The following CAMK2D variants were observed in gnomAD, a reference collection of about 807,000 sequenced individuals.
CAMK2D encodes calcium/calmodulin dependent protein kinase II delta, also known as calcium/calmodulin-dependent protein kinase type II subunit delta.
CAMK2D carries 37 observed loss-of-function variants against 84.0 expected under a neutral mutation model. That is an observed-to-expected ratio of 0.44 (90% confidence interval 0.34 to 0.58). The LOEUF (loss-of-function observed/expected upper bound fraction) is 0.58. CAMK2D is among the 20% of genes least tolerant of loss of function. The probability of loss-of-function intolerance (pLI) is 0.02; values close to 1 mark genes in which losing one functional copy is unlikely to be tolerated. For synonymous variants in CAMK2D, 202 were observed against 212.5 expected (o/e 0.95, Z 0.43); for missense variants, 448 against 652.5 (o/e 0.69, Z 3.41).
intron 4 of CAMK2D, among the ~76,000 whole-genome samples, chr4:113,606,071 T>C (rs1016736499): frequency 2.0e-5 from 3 of 151,954 alleles, no homozygotes; most frequent in East Asian, 1.9e-4. Flanking sequence ...AGAGCACTTA[T>C]GAACACACTT....
chr4:113,556,856 G>A (rs2098668369), intron 4 of CAMK2D, among the ~76,000 whole-genome samples: 1 of 152,138 alleles, frequency 6.6e-6, no homozygotes, highest in Non-Finnish European at 1.5e-5. Context: ...CCGATAATGG[G>A]ACATTGTCTC....
At chr4:113,542,538 A>G (rs2098537383) in intron 6 of CAMK2D, among the ~76,000 whole-genome samples, 1 of 152,044 alleles carries the variant, frequency 6.6e-6, no homozygotes, top group African/African-American at 2.4e-5. Context: ...ACACAGTGAA[A>G]CCCTGTTTCT....
intron 16 of CAMK2D, among the ~76,000 whole-genome samples, chr4:113,497,386 C>T (rs1311653153): frequency 6.6e-6 from 1 of 152,186 alleles, no homozygotes; most frequent in African/African-American, 2.4e-5. Flanking sequence ...AAAAGTATTA[C>T]ACAGACTGGG....
chr4:113,491,906 T>C (rs1201904201), intron 16 of CAMK2D, among the ~76,000 whole-genome samples: 1 of 152,174 alleles, frequency 6.6e-6, no homozygotes, highest in African/African-American at 2.4e-5. Flanking sequence ...CCATTTCTTC[T>C]AGATTTTCTA....
At chr4:113,645,610 A>G (rs920035336) in intron 3 of CAMK2D, among the ~76,000 whole-genome samples, 8 of 152,166 alleles carry the variant, frequency 5.3e-5, no homozygotes, top group African/African-American at 1.9e-4. Context: ...CTTCATTTGA[A>G]AAGCAGCTTT....
intron 16 of CAMK2D, among the ~76,000 whole-genome samples, chr4:113,472,100 C>T (rs1248503861): frequency 6.6e-6 from 1 of 152,192 alleles, no homozygotes; most frequent in Admixed American, 6.5e-5. Context: ...CTGCGTGCTT[C>T]AGACCCAGCT....
chr4:113,743,118 T>G (rs550949850), intron 2 of CAMK2D, among the ~76,000 whole-genome samples: 1 of 152,336 alleles, frequency 6.6e-6, no homozygotes, highest in Non-Finnish European at 1.5e-5. Flanking sequence ...AATAAAATTT[T>G]CTTTTCAATT....
intron 3 of CAMK2D, among the ~76,000 whole-genome samples, chr4:113,644,830 T>C (rs1232140780): frequency 6.6e-6 from 1 of 152,038 alleles, no homozygotes; most frequent in East Asian, 1.9e-4. Flanking sequence ...AAGCTATTTG[T>C]CAGATCCAAG....
intron 2 of CAMK2D, among the ~76,000 whole-genome samples, chr4:113,681,469 C>A (rs2099345738): frequency 6.6e-6 from 1 of 152,130 alleles, no homozygotes; most frequent in South Asian, 2.1e-4. Context: ...GAGGCTTCCC[C>A]AGCAATGTGG....
intron 3 of CAMK2D, among the ~76,000 whole-genome samples, chr4:113,653,433 TAG>T (rs909934001): frequency 2.0e-5 from 3 of 152,072 alleles, no homozygotes; most frequent in East Asian, 1.9e-4. Context: ...TTTAATCTGT[TAG>T]AGAGTCACTA....
intron 2 of CAMK2D, among the ~76,000 whole-genome samples, chr4:113,680,157 A>G (rs1424771901): frequency 6.6e-6 from 1 of 152,040 alleles, no homozygotes; most frequent in Non-Finnish European, 1.5e-5. Flanking sequence ...AGTTCTTGTC[A>G]TTGTTCAGAT....
At chr4:113,671,373 AG>A (rs1177682464) in intron 2 of CAMK2D, among the ~76,000 whole-genome samples, 10 of 152,352 alleles carry the variant, frequency 6.6e-5, no homozygotes, top group African/African-American at 2.4e-4. Context: ...GTGAAGCTAA[AG>A]TAGCTTAGGC....
chr4:113,754,184 TC>T, intron 2 of CAMK2D: 3 of 948,426 alleles, frequency 3.2e-6, no homozygotes, highest in Non-Finnish European at 2.5e-6. Flanking sequence ...TAACTTAAAA[TC>T]TTTAACACAG....
chr4:113,642,777 G>A (rs932487097), intron 3 of CAMK2D, among the ~76,000 whole-genome samples: 1 of 151,378 alleles, frequency 6.6e-6, no homozygotes, highest in Non-Finnish European at 1.5e-5. Flanking sequence ...TGCTAGAAAG[G>A]CACCAACTGC....
chr4:113,728,728 T>G (rs1260134875), intron 2 of CAMK2D, among the ~76,000 whole-genome samples: 1 of 152,192 alleles, frequency 6.6e-6, no homozygotes, highest in African/African-American at 2.4e-5. Context: ...GGGAAGTTCC[T>G]TACCTTCTCA....
At chr4:113,743,572 G>A (rs546836646) in intron 2 of CAMK2D, among the ~76,000 whole-genome samples, 1 of 152,040 alleles carries the variant, frequency 6.6e-6, no homozygotes, top group Non-Finnish European at 1.5e-5. Flanking sequence ...AAAACCTTTC[G>A]GTATGTGCTG....
intron 4 of CAMK2D, among the ~76,000 whole-genome samples, chr4:113,578,704 A>C (rs1282194497): frequency 6.6e-6 from 1 of 152,130 alleles, no homozygotes; most frequent in Non-Finnish European, 1.5e-5. Context: ...AACAATACAT[A>C]GATGTAGCCA....
intron 2 of CAMK2D, among the ~76,000 whole-genome samples, chr4:113,752,110 G>A (rs2099618667): frequency 1.3e-5 from 2 of 151,818 alleles, no homozygotes; most frequent in East Asian, 1.9e-4. Context: ...ATTAGCTCTC[G>A]GGGAGATACA....
In CAMK2D at chr4:113,509,628, T is replaced by TTTAAC. The variant is rs1379039023; in HGVS notation, c.984+5_984+9dup. 4 of 1,581,188 alleles carry TTTAAC rather than the reference T, an allele frequency of 2.5e-6. No homozygotes were observed. The highest frequency in any genetic ancestry group is 3.5e-6 in the Non-Finnish European group (4 of 1,149,950). On this transcript the variant is annotated intron_variant, in intron 13 of 20. Coordinates refer to ENST00000511664, the MANE Select transcript of CAMK2D (RefSeq NM_001321571.2). ...GTCAGAAATGGATTAGGGGCATCTGTTTAACTTACCTTTACTCCATCTGGT... is the reference window on the plus strand; with the variant it reads ...GTCAGAAATGGATTAGGGGCATCTGTTTAACTTAACTTACCTTTACTCCATCTGGT...
Sources: gnomAD v4.1 joint callset for allele counts (sites outside exome capture counted in the v4.1 genomes callset) on GRCh38, gnomAD v4.1.1 for gene constraint, MANE v1.5 for transcripts, NCBI Gene and HGNC (gene_info 2026-07-23, HGNC 2026-07-21) for gene names.